ROBO2: variants seen among roughly 807,000 people sequenced by gnomAD.
The protein encoded by ROBO2 is roundabout guidance receptor 2.
ROBO2 carries 53 observed loss-of-function variants against 160.8 expected under a neutral mutation model. That is an observed-to-expected ratio of 0.33 (90% CI 0.26 to 0.41). ROBO2 has a LOEUF of 0.41. Among genes scored for constraint, ROBO2 ranks in the 10% least tolerant of loss-of-function variants. ROBO2 has a pLI of 1.00. For missense variants in ROBO2, 1,577 were observed against 1,722.4 expected, an observed-to-expected ratio of 0.92 and a Z score of 1.49; for synonymous variants, 664 against 611.7, an observed-to-expected ratio of 1.09 and a Z score of -1.26.
chr3:76,762,082 T>A (rs187044414), intron 2 of ROBO2, among the ~76,000 whole-genome samples: 45 of 151,674 alleles, frequency 3.0e-4, no homozygotes, highest in Admixed American at 1.8e-3. Context: ...AACTTCATAA[T>A]GTGGAGGAGT....
chr3:76,793,222 T>A (rs1182569589), intron 2 of ROBO2, among the ~76,000 whole-genome samples: 1 of 151,876 alleles, frequency 6.6e-6, no homozygotes, highest in East Asian at 1.9e-4. Flanking sequence ...AGGCAATTTT[T>A]AAAACTCTTT....
chr3:75,960,564 C>T (rs372871559), intron 2 of ROBO2, among the ~76,000 whole-genome samples: 23 of 151,800 alleles, frequency 1.5e-4, no homozygotes, highest in African/African-American at 2.4e-4. Flanking sequence ...CAAATTTTCT[C>T]GACATTTTTG....
At chr3:77,578,517 A>G (rs558123207) in intron 15 of ROBO2, among the ~76,000 whole-genome samples, 1 of 152,246 alleles carries the variant, frequency 6.6e-6, no homozygotes, top group Non-Finnish European at 1.5e-5. Flanking sequence ...TTTACTCAAA[A>G]GTTTGCAGAT....
intron 2 of ROBO2, among the ~76,000 whole-genome samples, chr3:77,277,204 CT>C (rs1479973997): frequency 1.7e-3 from 212 of 128,088 alleles, no homozygotes; most frequent in Non-Finnish European, 1.7e-3. Context: ...TTCTTTCTTT[CT>C]TTCTTTCTTC....
chr3:77,158,657 A>G (rs185701767), intron 2 of ROBO2, among the ~76,000 whole-genome samples: 1 of 152,154 alleles, frequency 6.6e-6, no homozygotes, highest in African/African-American at 2.4e-5. Flanking sequence ...AACTAAAAGT[A>G]TGTGCTAAGA....
intron 2 of ROBO2, among the ~76,000 whole-genome samples, chr3:77,328,062 C>CAAAA (rs57829219): frequency 2.3e-4 from 26 of 112,830 alleles, no homozygotes; most frequent in African/African-American, 9.0e-4. Flanking sequence ...GACCGTATCT[C>CAAAA]AAAAAAAAAA....
intron 1 of ROBO2, among the ~76,000 whole-genome samples, chr3:77,060,971 C>T (rs939948287): frequency 2.0e-5 from 3 of 151,802 alleles, no homozygotes; most frequent in Admixed American, 6.6e-5. Flanking sequence ...GGTCTTGCCC[C>T]GTCACCAAGG....
intron 2 of ROBO2, among the ~76,000 whole-genome samples, chr3:77,189,516 C>G (rs1257183926): frequency 6.6e-6 from 1 of 151,808 alleles, no homozygotes; most frequent in East Asian, 1.9e-4. Context: ...AAAGAAATAG[C>G]AAACCTTGAA....
intron 23 of ROBO2, chr3:77,629,249 G>T (rs2095104735): frequency 6.6e-6 from 1 of 152,188 alleles, no homozygotes; most frequent in Non-Finnish European, 1.5e-5. Flanking sequence ...CTGATTCTCT[G>T]CTAGGAGGTC....
At chr3:76,612,845 T>C (rs1216808036) in intron 2 of ROBO2, among the ~76,000 whole-genome samples, 3 of 152,130 alleles carry the variant, frequency 2.0e-5, no homozygotes, top group Non-Finnish European at 4.4e-5. Context: ...CTTTGTCTCT[T>C]TTTGTAGTTT....
chr3:76,778,918 G>T (rs573218858), intron 2 of ROBO2, among the ~76,000 whole-genome samples: 1 of 151,170 alleles, frequency 6.6e-6, no homozygotes, highest in South Asian at 2.1e-4. Flanking sequence ...CTATCAAATT[G>T]TCACTGCATA....
At chr3:76,779,279 G>A (rs554245571) in intron 2 of ROBO2, among the ~76,000 whole-genome samples, 3 of 150,874 alleles carry the variant, frequency 2.0e-5, no homozygotes, top group Non-Finnish European at 4.5e-5. Flanking sequence ...TATCGTCAAC[G>A]CCAAAAATAT....
chr3:76,536,368 C>T (rs930260853), intron 2 of ROBO2, among the ~76,000 whole-genome samples: 4 of 152,112 alleles, frequency 2.6e-5, no homozygotes, highest in Non-Finnish European at 5.9e-5. Context: ...CAGGAGCTGA[C>T]TGGGTGATAA....
intron 2 of ROBO2, among the ~76,000 whole-genome samples, chr3:76,344,111 AAAT>A (rs2074386394): frequency 1.3e-5 from 2 of 152,192 alleles, no homozygotes; most frequent in South Asian, 4.1e-4. Context: ...AACTTTAAAA[AAAT>A]AATTTCTACT....
intron 2 of ROBO2, among the ~76,000 whole-genome samples, chr3:77,475,617 G>T (rs115520016): frequency 1.3e-4 from 20 of 152,294 alleles, no homozygotes; most frequent in African/African-American, 4.8e-4. Flanking sequence ...ACCATTTGTT[G>T]CCAGTACCGG....
intron 2 of ROBO2, among the ~76,000 whole-genome samples, chr3:76,689,111 G>A (rs911401697): frequency 6.6e-6 from 1 of 152,162 alleles, no homozygotes; most frequent in South Asian, 2.1e-4. Flanking sequence ...TGCAATTGCT[G>A]TCTCTTTCAT....
At chr3:77,136,001 G>C (rs1229692148) in intron 2 of ROBO2, among the ~76,000 whole-genome samples, 1 of 152,110 alleles carries the variant, frequency 6.6e-6, no homozygotes, top group African/African-American at 2.4e-5. Flanking sequence ...TAAGATTATT[G>C]ACTGGGTATC....
chr3:76,240,856 G>A (rs1352832037), intron 2 of ROBO2, among the ~76,000 whole-genome samples: 1 of 152,054 alleles, frequency 6.6e-6, no homozygotes, highest in Non-Finnish European at 1.5e-5. Flanking sequence ...ATAATCCTAA[G>A]GTCACTTCCA....
intron 23 of ROBO2, among the ~76,000 whole-genome samples, chr3:77,627,188 G>T (rs1488129346): frequency 6.6e-6 from 1 of 152,112 alleles, no homozygotes; most frequent in African/African-American, 2.4e-5. Context: ...ATTTTTATCT[G>T]AGTGAAACAA....
Sources: allele counts gnomAD v4.1 joint callset (sites outside exome capture counted in the v4.1 genomes callset), GRCh38; gene constraint gnomAD v4.1.1; transcripts MANE v1.5; gene names NCBI Gene and HGNC (gene_info 2026-07-23, HGNC 2026-07-21).